The following RFX3 variants were observed in gnomAD, a reference collection of about 807,000 sequenced individuals.
RFX3 encodes the protein transcription factor RFX3.
RFX3 carries 14 observed loss-of-function variants against 98.6 expected under a neutral mutation model. The ratio of observed to expected loss-of-function variants is 0.14; its 90% CI spans 0.09 to 0.22. The LOEUF is 0.22. RFX3 is among the 10% of genes least tolerant of loss of function. The pLI, the probability that RFX3 is intolerant of heterozygous loss-of-function variation, is 1.00. For synonymous variants in RFX3, 383 were observed against 328.4 expected (o/e 1.17, Z -1.80); for missense variants, 639 against 926.9 (o/e 0.69, Z 4.03).
chr9:3,249,988 T>C (rs1436205952), intron 14 of RFX3, among the ~76,000 whole-genome samples: 1 of 151,976 alleles, frequency 6.6e-6, no homozygotes, highest in Non-Finnish European at 1.5e-5. Context: ...CATGCCAACA[T>C]ATATGACAAA....
At chr9:3,487,216 T>A (rs534070024) in intron 1 of RFX3, among the ~76,000 whole-genome samples, 1 of 152,164 alleles carries the variant, frequency 6.6e-6, no homozygotes, top group Non-Finnish European at 1.5e-5. Context: ...TAACAACCAA[T>A]GTACTTAATT....
At chr9:3,471,483 C>A (rs1287933382) in intron 1 of RFX3, among the ~76,000 whole-genome samples, 2 of 152,180 alleles carry the variant, frequency 1.3e-5, no homozygotes, top group South Asian at 4.1e-4. Flanking sequence ...TTCAACATAT[C>A]TTTGAAACAT....
intron 1 of RFX3, among the ~76,000 whole-genome samples, chr9:3,475,483 G>A (rs1424940101): frequency 1.3e-5 from 2 of 152,242 alleles, no homozygotes; most frequent in East Asian, 1.9e-4. Context: ...ACTAGACAGG[G>A]GGCCCTTCCC....
At chr9:3,416,379 C>A (rs189713278) in intron 1 of RFX3, among the ~76,000 whole-genome samples, 1 of 152,192 alleles carries the variant, frequency 6.6e-6, no homozygotes, top group East Asian at 1.9e-4. Context: ...GACCTAAAGA[C>A]GGGTATTCAT....
At chr9:3,282,998 G>A (rs915482172) in intron 7 of RFX3, among the ~76,000 whole-genome samples, 6 of 151,736 alleles carry the variant, frequency 4.0e-5, no homozygotes, top group African/African-American at 1.5e-4. Context: ...AGTGGTGACT[G>A]TTATTATTAA....
At chr9:3,363,273 CAT>C (rs1238339211) in intron 2 of RFX3, among the ~76,000 whole-genome samples, 1 of 152,126 alleles carries the variant, frequency 6.6e-6, no homozygotes, top group African/African-American at 2.4e-5. Context: ...ACTACAGAAA[CAT>C]AAAATATCAA....
chr9:3,309,278 C>A (rs974244977), intron 4 of RFX3, among the ~76,000 whole-genome samples: 1 of 152,072 alleles, frequency 6.6e-6, no homozygotes, highest in African/African-American at 2.4e-5. Flanking sequence ...AGAAAAAACA[C>A]AAAGATTAGT....
chr9:3,291,174 G>A (rs374197606), intron 6 of RFX3, among the ~76,000 whole-genome samples: 2 of 152,066 alleles, frequency 1.3e-5, no homozygotes, highest in African/African-American at 4.8e-5. Context: ...AGACCAGCCT[G>A]GCCAACATGG....
rs1817228094 is a variant in RFX3 at position 3,219,413 on chromosome 9, T to C, written c.*5629A>G. On this transcript the variant is annotated 3_prime_UTR_variant, in exon 17 of 17. Coordinates refer to ENST00000617270, the MANE Select transcript of RFX3 (RefSeq NM_001282116.2). ...AAACAATTCTTACCAAAGATTTTCA[T>C]TACTCAGGGCTTCCAATCCCAACAT... is the stretch of plus-strand genomic sequence containing the variant. 6.6e-6 allele frequency: 1 copy of C among 151,240 alleles called. No homozygotes were observed. Among genetic ancestry groups the C allele is most frequent in the Non-Finnish European group, 1.5e-5 (1 of 67,886 alleles). The allele number at this position is 151,240 out of a possible 1,614,324, so 9.4% of individuals were successfully genotyped here.
At chr9:3,359,787 A>G (rs1293256273) in intron 2 of RFX3, among the ~76,000 whole-genome samples, 1 of 152,170 alleles carries the variant, frequency 6.6e-6, no homozygotes, top group Admixed American at 6.6e-5. Flanking sequence ...TGATATGATC[A>G]CTTTTAATAC....
chr9:3,244,952 T>C (rs1411611848), intron 15 of RFX3, among the ~76,000 whole-genome samples: 1 of 152,204 alleles, frequency 6.6e-6, no homozygotes, highest in Non-Finnish European at 1.5e-5. Context: ...TAATAAATGA[T>C]AAATCAGTTT....
At chr9:3,373,860 C>T (rs565060266) in intron 2 of RFX3, among the ~76,000 whole-genome samples, 5 of 152,284 alleles carry the variant, frequency 3.3e-5, no homozygotes, top group Admixed American at 1.3e-4. Context: ...AGGCAGATCA[C>T]GAAGTCAGGA....
chr9:3,245,493 T>C (rs1327205617), intron 15 of RFX3, among the ~76,000 whole-genome samples: 1 of 152,126 alleles, frequency 6.6e-6, no homozygotes, highest in Admixed American at 6.5e-5. Flanking sequence ...GATGACACAG[T>C]CAGCTTTGCA....
At chr9:3,437,360 G>A (rs1485407327) in intron 1 of RFX3, among the ~76,000 whole-genome samples, 1 of 151,874 alleles carries the variant, frequency 6.6e-6, no homozygotes, top group African/African-American at 2.4e-5. Flanking sequence ...AAATAAACAG[G>A]GCAGAAAGCA....
chr9:3,365,156 C>T (rs895774288), intron 2 of RFX3, among the ~76,000 whole-genome samples: 4 of 151,998 alleles, frequency 2.6e-5, no homozygotes, highest in South Asian at 2.1e-4. Flanking sequence ...AAAAATTAAC[C>T]GGGCATGGTG....
intron 1 of RFX3, among the ~76,000 whole-genome samples, chr9:3,468,530 C>T (rs561044062): frequency 1.3e-5 from 2 of 152,242 alleles, no homozygotes; most frequent in Admixed American, 6.5e-5. Context: ...CCTTTTGCCA[C>T]GCAAATATGT....
At chr9:3,247,831 C>A in intron 15 of RFX3, 1 of 1,604,940 alleles carries the variant, frequency 6.2e-7, no homozygotes, top group Non-Finnish European at 8.5e-7. Flanking sequence ...TGATATAATC[C>A]ACAATTTTAG....
chr9:3,338,802 A>G (rs1166660915), intron 3 of RFX3, among the ~76,000 whole-genome samples: 1 of 152,196 alleles, frequency 6.6e-6, no homozygotes, highest in Non-Finnish European at 1.5e-5. Context: ...TTTAAAATTT[A>G]TTCTAGGCCA....
At chr9:3,309,134 T>C (rs1042287881) in intron 4 of RFX3, among the ~76,000 whole-genome samples, 1 of 152,264 alleles carries the variant, frequency 6.6e-6, no homozygotes, top group African/African-American at 2.4e-5. Flanking sequence ...ACAGAGAACG[T>C]CATTTCTTTT....
Sources: allele counts gnomAD v4.1 joint callset (sites outside exome capture counted in the v4.1 genomes callset), GRCh38; gene constraint gnomAD v4.1.1; transcripts MANE v1.5; gene names NCBI Gene and HGNC (gene_info 2026-07-23, HGNC 2026-07-21).